The following ASIC2 variants were observed in gnomAD, a reference collection of about 807,000 sequenced individuals.
ASIC2 encodes acid sensing ion channel subunit 2, also known as acid-sensing ion channel 2.
A neutral mutation model predicts 57.3 loss-of-function variants in ASIC2; 25 were observed. The ratio of observed to expected loss-of-function variants is 0.44; its 90% CI spans 0.32 to 0.61. The LOEUF (loss-of-function observed/expected upper bound fraction) is 0.61. Among genes scored for constraint, ASIC2 ranks in the 20% least tolerant of loss-of-function variants. The pLI is 0.06. For synonymous variants in ASIC2, 319 were observed against 307.5 expected (o/e 1.04, Z -0.39); for missense variants, 641 against 738.1 (o/e 0.87, Z 1.52).
intron 1 of ASIC2, among the ~76,000 whole-genome samples, chr17:33,799,439 T>TTTCTTTCTTCC (rs1555562527): frequency 1.0e-4 from 6 of 59,048 alleles, no homozygotes; most frequent in African/African-American, 3.6e-4. Flanking sequence ...TCTTTCTTTC[T>TTTCTTTCTTCC]TTCTTTCTTT....
At chr17:33,433,582 C>T (rs912592517) in intron 1 of ASIC2, among the ~76,000 whole-genome samples, 4 of 152,018 alleles carry the variant, frequency 2.6e-5, no homozygotes, top group African/African-American at 9.7e-5. Context: ...ATGGTGAAAC[C>T]CCGTCTAAAA....
intron 1 of ASIC2, among the ~76,000 whole-genome samples, chr17:33,662,714 T>TTTCC (rs1157951903): frequency 5.8e-5 from 7 of 119,928 alleles, no homozygotes; most frequent in Non-Finnish European, 1.3e-4. Context: ...TTTAGTACTG[T>TTTCC]TTCCTCCCTC....
chr17:33,824,847 G>A (rs1912858592), intron 1 of ASIC2, among the ~76,000 whole-genome samples: 1 of 152,166 alleles, frequency 6.6e-6, no homozygotes, highest in African/African-American at 2.4e-5. Context: ...CCAGCCATGT[G>A]GAGCTGTGAG....
At chr17:34,079,580 T>C (rs1471963948) in intron 1 of ASIC2, among the ~76,000 whole-genome samples, 5 of 152,210 alleles carry the variant, frequency 3.3e-5, no homozygotes, top group Non-Finnish European at 7.3e-5. Flanking sequence ...TCTCCAACTG[T>C]ATGTCAAGTC....
chr17:33,087,803 C>T (rs548256352), intron 3 of ASIC2, among the ~76,000 whole-genome samples: 43 of 151,854 alleles, frequency 2.8e-4, no homozygotes, highest in African/African-American at 9.7e-4. Context: ...AAGGAATTCT[C>T]CTGCCTTGGC....
intron 1 of ASIC2, among the ~76,000 whole-genome samples, chr17:34,096,172 G>A (rs193130087): frequency 8.5e-5 from 13 of 152,252 alleles, no homozygotes; most frequent in Admixed American, 3.3e-4. Flanking sequence ...CAAACACACA[G>A]AAGGGTATTT....
chr17:33,286,308 A>G (rs1356913265), intron 1 of ASIC2, among the ~76,000 whole-genome samples: 1 of 152,208 alleles, frequency 6.6e-6, no homozygotes, highest in Non-Finnish European at 1.5e-5. Context: ...GCAATAGTGA[A>G]GGGTGCAGGG....
intron 1 of ASIC2, among the ~76,000 whole-genome samples, chr17:34,140,893 A>T (rs1456103322): frequency 6.6e-6 from 1 of 152,246 alleles, no homozygotes; most frequent in East Asian, 1.9e-4. Context: ...TCAATGGATG[A>T]TAAAACCAGA....
At chr17:34,008,127 C>A (rs1906591190) in intron 1 of ASIC2, among the ~76,000 whole-genome samples, 1 of 152,172 alleles carries the variant, frequency 6.6e-6, no homozygotes, top group Non-Finnish European at 1.5e-5. Context: ...TTTTATTCAT[C>A]CCATTTTACT....
At chr17:34,122,308 G>C (rs552974705) in intron 1 of ASIC2, among the ~76,000 whole-genome samples, 1 of 152,138 alleles carries the variant, frequency 6.6e-6, no homozygotes, top group Non-Finnish European at 1.5e-5. Flanking sequence ...GTGGCAGAAG[G>C]GGCACAAGGG....
chr17:33,390,381 T>C (rs1398011561), intron 1 of ASIC2, among the ~76,000 whole-genome samples: 1 of 152,216 alleles, frequency 6.6e-6, no homozygotes, highest in Non-Finnish European at 1.5e-5. Context: ...CTTCTCTTTC[T>C]TTAAAAGTGC....
At chr17:33,437,074 C>T (rs1434983259) in intron 1 of ASIC2, among the ~76,000 whole-genome samples, 2 of 150,870 alleles carry the variant, frequency 1.3e-5, no homozygotes, top group Non-Finnish European at 3.0e-5. Context: ...ACCGTGTTAG[C>T]CAGGATGGTC....
intron 1 of ASIC2, among the ~76,000 whole-genome samples, chr17:33,697,167 A>C (rs1908555215): frequency 6.6e-6 from 1 of 152,146 alleles, no homozygotes; most frequent in African/African-American, 2.4e-5. Flanking sequence ...GCCTCCCCAG[A>C]TGCTGAGCAG....
At chr17:33,680,723 A>C (rs2142057275) in intron 1 of ASIC2, 1 of 152,244 alleles carries the variant, frequency 6.6e-6, no homozygotes, top group Middle Eastern at 3.4e-3. Flanking sequence ...ACCCCACCAC[A>C]GTGCAGTGCA....
At chr17:33,436,470 C>T (rs1911611211) in intron 1 of ASIC2, among the ~76,000 whole-genome samples, 1 of 152,160 alleles carries the variant, frequency 6.6e-6, no homozygotes, top group Non-Finnish European at 1.5e-5. Context: ...TGACTGAACC[C>T]ACCCAGACTT....
chr17:34,141,721 T>TA (rs1332031888), intron 1 of ASIC2, among the ~76,000 whole-genome samples: 1 of 152,180 alleles, frequency 6.6e-6, no homozygotes, highest in African/African-American at 2.4e-5. Context: ...CTTGCAGACA[T>TA]AAAACTGAAA....
chr17:33,855,061 C>G (rs1913884737), intron 1 of ASIC2, among the ~76,000 whole-genome samples: 1 of 152,002 alleles, frequency 6.6e-6, no homozygotes, highest in Admixed American at 6.5e-5. Flanking sequence ...GAAGGGCATG[C>G]CGGCAGCAGA....
chr17:33,210,419 A>G (rs979630632), intron 1 of ASIC2, among the ~76,000 whole-genome samples: 1 of 152,106 alleles, frequency 6.6e-6, no homozygotes. Context: ...CAAGTTATCT[A>G]TGATGTCTGC....
intron 1 of ASIC2, among the ~76,000 whole-genome samples, chr17:33,628,924 T>C (rs987526253): frequency 2.6e-5 from 4 of 152,224 alleles, no homozygotes; most frequent in Non-Finnish European, 5.9e-5. Context: ...TGCCTGGCAG[T>C]ATCTGTTGCA....
Sources: allele counts gnomAD v4.1 joint callset (sites outside exome capture counted in the v4.1 genomes callset), GRCh38; gene constraint gnomAD v4.1.1; transcripts MANE v1.5; gene names NCBI Gene and HGNC (gene_info 2026-07-23, HGNC 2026-07-21).